EPB41: variants seen among roughly 807,000 people sequenced by gnomAD.
The protein encoded by EPB41 is erythrocyte membrane protein band 4.1, also known as protein 4.1.
In EPB41, 65 loss-of-function variants were observed where a neutral mutation model predicts 108.0. The observed-to-expected ratio is 0.60, with a 90% CI of 0.49 to 0.74. The LOEUF is 0.74. Ranked by LOEUF, EPB41 falls within the 30% of genes least tolerant of loss-of-function variation. EPB41 has a pLI of 0.00. For missense variants in EPB41, 875 were observed against 1,037.0 expected, an observed-to-expected ratio of 0.84 and a Z score of 2.15; for synonymous variants, 336 against 358.9, an observed-to-expected ratio of 0.94 and a Z score of 0.72.
At chr1:28,999,631 A>G (rs1005388490) in intron 4 of EPB41, among the ~76,000 whole-genome samples, 6 of 152,196 alleles carry the variant, frequency 3.9e-5, no homozygotes, top group African/African-American at 1.4e-4. Context: ...AAGCTGGCTC[A>G]TCTAAAGCCA....
At chr1:29,047,845 G>A (rs1284483022) in intron 11 of EPB41, among the ~76,000 whole-genome samples, 2 of 107,800 alleles carry the variant, frequency 1.9e-5, no homozygotes, top group South Asian at 6.2e-4. Context: ...CTGGAATGGC[G>A]TGATCTCGGC....
chr1:28,986,274 C>T (rs1394757137), intron 1 of EPB41, among the ~76,000 whole-genome samples: 1 of 152,138 alleles, frequency 6.6e-6, no homozygotes, highest in Non-Finnish European at 1.5e-5. Flanking sequence ...TTAGTGATAG[C>T]AGTGAATCAA....
chr1:29,111,962 G>A (rs912709368), intron 18 of EPB41, among the ~76,000 whole-genome samples: 13 of 150,968 alleles, frequency 8.6e-5, no homozygotes, highest in African/African-American at 3.2e-4. Context: ...GGACAACAGA[G>A]CGAGACTCTG....
At chr1:29,012,589 G>A (rs1346266377) in intron 5 of EPB41, among the ~76,000 whole-genome samples, 1 of 152,136 alleles carries the variant, frequency 6.6e-6, no homozygotes, top group Non-Finnish European at 1.5e-5. Flanking sequence ...CAGGCCCAAT[G>A]GCTAATTAAG....
intron 18 of EPB41, among the ~76,000 whole-genome samples, chr1:29,110,490 G>C (rs1303840658): frequency 2.6e-5 from 4 of 152,242 alleles, no homozygotes; most frequent in Non-Finnish European, 4.4e-5. Flanking sequence ...ACAAGGCCAT[G>C]AGAACTTGTT....
chr1:29,108,678 C>G (rs1363918918), intron 17 of EPB41, among the ~76,000 whole-genome samples: 2 of 151,772 alleles, frequency 1.3e-5, no homozygotes, highest in Non-Finnish European at 2.9e-5. Context: ...CTGCCTCAGC[C>G]TCCCGAGTAG....
intron 17 of EPB41, among the ~76,000 whole-genome samples, chr1:29,104,237 ATTG>A (rs1666390936): frequency 1.3e-5 from 2 of 152,168 alleles, no homozygotes; most frequent in Admixed American, 1.3e-4. Flanking sequence ...TTCATTTGCA[ATTG>A]TTATTATTTA....
intron 1 of EPB41, among the ~76,000 whole-genome samples, chr1:28,946,267 C>T (rs1008283043): frequency 1.3e-5 from 2 of 151,854 alleles, no homozygotes; most frequent in Non-Finnish European, 2.9e-5. Flanking sequence ...GCAATTTCGG[C>T]TCACTGCAAC....
intron 1 of EPB41, among the ~76,000 whole-genome samples, chr1:28,926,469 G>C (rs570580344): frequency 1.3e-5 from 2 of 152,166 alleles, no homozygotes; most frequent in Non-Finnish European, 2.9e-5. Context: ...ACTAGCAAGC[G>C]AAAATTCGCT....
intron 16 of EPB41, chr1:29,069,520 T>A: frequency 1.0e-6 from 1 of 984,998 alleles, no homozygotes; most frequent in Non-Finnish European, 1.3e-6. Flanking sequence ...TTGCAATCTT[T>A]AAAATGTATA....
At chr1:29,009,908 G>A (rs2096470515) in intron 4 of EPB41, among the ~76,000 whole-genome samples, 2 of 152,128 alleles carry the variant, frequency 1.3e-5, no homozygotes, top group Admixed American at 6.5e-5. Flanking sequence ...TTATATAATA[G>A]TCAAAGTAGT....
intron 16 of EPB41, chr1:29,069,593 T>A: frequency 3.1e-6 from 1 of 324,662 alleles, no homozygotes; most frequent in Non-Finnish European, 4.7e-6. Flanking sequence ...CTGTTGCTTT[T>A]AAAACTGTTG....
chr1:29,005,461 G>C (rs1456655634), intron 4 of EPB41, among the ~76,000 whole-genome samples: 1 of 152,172 alleles, frequency 6.6e-6, no homozygotes, highest in Non-Finnish European at 1.5e-5. Flanking sequence ...TGCCATTTCT[G>C]TAGTTGAAAC....
At chr1:28,911,096 G>C, upstream of EPB41, 2 of 985,360 alleles carry the variant, frequency 2.0e-6, no homozygotes, top group Non-Finnish European at 2.4e-6. Flanking sequence ...AGGGCAGATG[G>C]GCCCAGGAGT....
At chr1:29,058,540 A>G in intron 12 of EPB41, 49 bp from the exon 13 acceptor site, 2 of 1,538,248 alleles carry the variant, frequency 1.3e-6, no homozygotes, top group Middle Eastern at 3.4e-4. Flanking sequence ...CTATTCATAG[A>G]AACCTACTAA....
chr1:29,097,670 G>A, intron 16 of EPB41, 137 bp from the exon 17 acceptor site: 1 of 1,021,734 alleles, frequency 9.8e-7, no homozygotes. Context: ...GAAGTCTTAG[G>A]CAGGGTAAAC....
At chr1:28,903,691 T>G (rs2091511673) in intron 1 of EPB41, among the ~76,000 whole-genome samples, 1 of 152,056 alleles carries the variant, frequency 6.6e-6, no homozygotes, top group Non-Finnish European at 1.5e-5. Context: ...GTTGTGAAGG[T>G]TCAGTGACAT....
chr1:29,107,670 G>A (rs1667629086), intron 17 of EPB41, among the ~76,000 whole-genome samples: 1 of 151,724 alleles, frequency 6.6e-6, no homozygotes, highest in South Asian at 2.1e-4. Flanking sequence ...GGCCAATATG[G>A]TGAAACTCCA....
intron 1 of EPB41, among the ~76,000 whole-genome samples, chr1:28,942,299 C>T (rs1453999537): frequency 2.6e-5 from 4 of 152,060 alleles, no homozygotes; most frequent in African/African-American, 4.8e-5. Flanking sequence ...GGGCTCAGTC[C>T]CACAAGACTG....
Sources: allele counts gnomAD v4.1 joint callset (sites outside exome capture counted in the v4.1 genomes callset), GRCh38; gene constraint gnomAD v4.1.1; transcripts MANE v1.5; gene names NCBI Gene and HGNC (gene_info 2026-07-23, HGNC 2026-07-21).